Variants in AKAP19 observed in about 807,000 individuals in gnomAD.
AKAP19 encodes the protein A-kinase anchoring protein 19, also known as small A-kinase anchoring protein.
At chr2:190,059,949 C>T in the AKAP19 span, 2 of 1,143,898 alleles carry the variant, frequency 1.7e-6, no homozygotes, top group Non-Finnish European at 2.5e-6. Context: ...GGGTAAGATA[C>T]CTTTGTCTAG....
chr2:190,036,029 A>G, the AKAP19 span, among the ~76,000 whole-genome samples: 2 of 152,250 alleles, frequency 1.3e-5, no homozygotes, highest in Non-Finnish European at 2.9e-5. Context: ...TGAAAAATTC[A>G]GTGCACTTCA....
At chr2:190,200,987 G>A in the AKAP19 span, 1 of 166,932 alleles carries the variant, frequency 6.0e-6, no homozygotes, top group African/African-American at 2.4e-5. Context: ...GAGGTACAGA[G>A]GGCTGGAATA....
the AKAP19 span, among the ~76,000 whole-genome samples, chr2:190,050,364 G>A: frequency 6.6e-6 from 1 of 152,170 alleles, no homozygotes; most frequent in African/African-American, 2.4e-5. Flanking sequence ...TTGCCCTTCA[G>A]TTACATAGGG....
chr2:189,964,669 G>A, the AKAP19 span, among the ~76,000 whole-genome samples: 5 of 152,196 alleles, frequency 3.3e-5, no homozygotes, highest in South Asian at 1.0e-3. Context: ...TTATGTTATG[G>A]ATATGGCTTC....
chr2:190,112,905 A>T, the AKAP19 span, among the ~76,000 whole-genome samples: 5 of 152,130 alleles, frequency 3.3e-5, no homozygotes, highest in African/African-American at 1.2e-4. Flanking sequence ...ACTGTAAAAC[A>T]GTCTAGACTT....
the AKAP19 span, chr2:190,057,534 G>A: frequency 6.2e-7 from 1 of 1,613,476 alleles, no homozygotes. Context: ...CAGTTAGAGG[G>A]TAACGACAGC....
the AKAP19 span, among the ~76,000 whole-genome samples, chr2:189,996,004 G>T: frequency 2.2e-3 from 334 of 152,248 alleles, 3 homozygotes; most frequent in African/African-American, 7.7e-3. Flanking sequence ...GTTACCTGAT[G>T]CTTTTGCCTC....
chr2:189,913,831 G>A, the AKAP19 span, among the ~76,000 whole-genome samples: 3 of 151,996 alleles, frequency 2.0e-5, no homozygotes, highest in African/African-American at 4.8e-5. Context: ...TTCAGGATGT[G>A]TACTGTTTAA....
At chr2:190,002,757 C>T in the AKAP19 span, among the ~76,000 whole-genome samples, 35 of 152,082 alleles carry the variant, frequency 2.3e-4, no homozygotes, top group Non-Finnish European at 4.4e-4. Context: ...TTTTTTCCTT[C>T]TGTCTCCTAC....
chr2:190,051,819 A>ATTTT, the AKAP19 span, among the ~76,000 whole-genome samples: 3 of 145,184 alleles, frequency 2.1e-5, no homozygotes, highest in Admixed American at 6.9e-5. Context: ...TATTTTTTTT[A>ATTTT]TTTTTTATTT....
chr2:190,116,818 A>G, the AKAP19 span, among the ~76,000 whole-genome samples: 1 of 152,204 alleles, frequency 6.6e-6, no homozygotes, highest in Non-Finnish European at 1.5e-5. Flanking sequence ...TGGCTATTCA[A>G]CTTTCTAGGA....
At chr2:189,970,596 A>G in the AKAP19 span, among the ~76,000 whole-genome samples, 2 of 152,208 alleles carry the variant, frequency 1.3e-5, no homozygotes, top group Non-Finnish European at 2.9e-5. Flanking sequence ...GTAATAGTCC[A>G]TGGTAATTTC....
the AKAP19 span, among the ~76,000 whole-genome samples, chr2:189,963,145 C>T: frequency 2.0e-5 from 3 of 151,726 alleles, no homozygotes; most frequent in African/African-American, 7.3e-5. Context: ...CTCACCTGTT[C>T]AAGTTTTCTC....
the AKAP19 span, among the ~76,000 whole-genome samples, chr2:189,932,594 A>T: frequency 6.6e-6 from 1 of 151,350 alleles, no homozygotes; most frequent in Admixed American, 6.6e-5. Context: ...AGTCCCAGCC[A>T]CTCAGGAGGC....
the AKAP19 span, among the ~76,000 whole-genome samples, chr2:190,101,805 A>G: frequency 6.6e-6 from 1 of 152,140 alleles, no homozygotes; most frequent in East Asian, 1.9e-4. Flanking sequence ...GAAAACTAAC[A>G]AATACATTCT....
chr2:189,939,487 A>C, the AKAP19 span, among the ~76,000 whole-genome samples: 2 of 152,366 alleles, frequency 1.3e-5, no homozygotes, highest in African/African-American at 4.8e-5. Context: ...TGCCAGACAG[A>C]GAACACTGGC....
chr2:190,060,102 T>C, the AKAP19 span: 1 of 1,612,798 alleles, frequency 6.2e-7, no homozygotes, highest in Non-Finnish European at 8.5e-7. Flanking sequence ...TACAGCAAGA[T>C]CATGACCATT....
chr2:189,885,666 C>G, the AKAP19 span, among the ~76,000 whole-genome samples: 1 of 152,104 alleles, frequency 6.6e-6, no homozygotes, highest in Middle Eastern at 3.2e-3. Flanking sequence ...ACTGAAAGGC[C>G]TTTTTGGTCT....
chr2:189,940,676 A>G, the AKAP19 span, among the ~76,000 whole-genome samples: 1 of 151,912 alleles, frequency 6.6e-6, no homozygotes, highest in Non-Finnish European at 1.5e-5. Flanking sequence ...ACAGTGGCTC[A>G]TGCCTGTAAT....
Sources: gnomAD v4.1 joint callset for allele counts (sites outside exome capture counted in the v4.1 genomes callset) on GRCh38, gnomAD v4.1.1 for gene constraint, MANE v1.5 for transcripts, NCBI Gene and HGNC (gene_info 2026-07-23, HGNC 2026-07-21) for gene names.